Variants in CDC14A observed in about 807,000 individuals in gnomAD.
CDC14A encodes the protein cell division cycle 14A, also known as dual specificity protein phosphatase CDC14A.
In CDC14A, 53 loss-of-function variants were observed where a neutral mutation model predicts 74.4. The ratio of observed to expected loss-of-function variants is 0.71; its 90% CI spans 0.57 to 0.89. The LOEUF is 0.89. Ranked by LOEUF, CDC14A falls within the 40% of genes least tolerant of loss-of-function variation. The pLI, the probability that CDC14A is intolerant of heterozygous loss-of-function variation, is 0.00. For missense variants in CDC14A, 646 were observed against 713.7 expected (o/e 0.91, Z 1.08); for synonymous variants, 247 against 258.4 (o/e 0.96, Z 0.43).
intron 15 of CDC14A, 86 bp from the exon 16 acceptor site, chr1:100,518,165 T>C (rs1316670828): frequency 2.0e-6 from 2 of 982,192 alleles, no homozygotes; most frequent in Non-Finnish European, 3.2e-6. Context: ...CTAAGCTGTC[T>C]TGTGTGGAAG....
chr1:100,484,182 T>C, intron 10 of CDC14A, 110 bp from the exon 11 acceptor site: 1 of 565,530 alleles, frequency 1.8e-6, no homozygotes, highest in Non-Finnish European at 2.9e-6. Context: ...TTGTAAATGC[T>C]TATTTGCTAA....
intron 3 of CDC14A, among the ~76,000 whole-genome samples, chr1:100,378,619 A>T (rs17122344): frequency 0.015 from 2,318 of 152,304 alleles, 62 homozygotes; most frequent in African/African-American, 0.053. Context: ...AATTTTTGCC[A>T]TTGATTTCAA....
intron 5 of CDC14A, among the ~76,000 whole-genome samples, chr1:100,425,224 T>C (rs559815880): frequency 9.8e-5 from 15 of 152,296 alleles, no homozygotes; most frequent in Admixed American, 6.5e-4. Context: ...AAAACTCCCA[T>C]AACACTTACC....
intron 15 of CDC14A, among the ~76,000 whole-genome samples, chr1:100,500,811 AGT>A (rs58424420): frequency 0.2 from 26,433 of 131,024 alleles, 2,871 homozygotes; most frequent in Non-Finnish European, 0.24. Context: ...ATGAGAATGC[AGT>A]GTGTGTGTGT....
intron 2 of CDC14A, among the ~76,000 whole-genome samples, chr1:100,367,146 A>G (rs2100914553): frequency 6.6e-6 from 1 of 152,300 alleles, no homozygotes; most frequent in East Asian, 1.9e-4. Context: ...ATTTCTGAAT[A>G]GTCTCTGAAG....
chr1:100,498,358 C>G, intron 14 of CDC14A, 151 bp downstream of exon 14: 1 of 868,334 alleles, frequency 1.2e-6, no homozygotes, highest in Non-Finnish European at 1.8e-6. Flanking sequence ...GGCTTCCGTT[C>G]CTGTCTTGGG....
At chr1:100,407,921 A>G (rs948666127) in intron 4 of CDC14A, among the ~76,000 whole-genome samples, 3 of 152,112 alleles carry the variant, frequency 2.0e-5, no homozygotes, top group Non-Finnish European at 4.4e-5. Flanking sequence ...ATTTAAAAAA[A>G]TCTTTTATTT....
rs763921580 is a variant in CDC14A at position 100,412,767 on chromosome 1, AT to A, written c.310-11453del. Among the ~76,000 whole-genome samples, 7 of 88,406 alleles carry A rather than the reference AT, an allele frequency of 7.9e-5. No homozygotes were observed. In the East Asian group the frequency reaches 1.9e-3, roughly 24 times the overall value. 58.0% of individuals were successfully genotyped at this position (88,406 alleles called of 152,430 possible). A position where few individuals can be genotyped will look rare whatever the true frequency, so the allele number is the denominator to read the frequency against. ...ATATATATATATTTTATATATATAT[AT>A]TATATATATATATATAGTATGTATG... On this transcript the variant is annotated intron_variant, in intron 4 of 15. Coordinates refer to ENST00000336454, the MANE Select transcript of CDC14A (RefSeq NM_003672.4).
At chr1:100,365,880 T>C (rs185198569) in intron 2 of CDC14A, among the ~76,000 whole-genome samples, 41 of 151,358 alleles carry the variant, frequency 2.7e-4, no homozygotes, top group Non-Finnish European at 5.4e-4. Context: ...ATTCTAGTGA[T>C]AGGGAAACTG....
At chr1:100,474,070 C>T (rs1668655262) in intron 10 of CDC14A, among the ~76,000 whole-genome samples, 1 of 152,100 alleles carries the variant, frequency 6.6e-6, no homozygotes, top group Non-Finnish European at 1.5e-5. Context: ...AGTGTTGAAT[C>T]TTGTCAAATA....
intron 8 of CDC14A, among the ~76,000 whole-genome samples, chr1:100,460,360 G>A (rs931673204): frequency 3.9e-5 from 6 of 152,170 alleles, no homozygotes; most frequent in Non-Finnish European, 5.9e-5. Context: ...TATGAAAAGA[G>A]AGATTCTTGC....
intron 4 of CDC14A, among the ~76,000 whole-genome samples, chr1:100,413,667 C>T (rs1661163429): frequency 6.6e-6 from 1 of 152,200 alleles, no homozygotes; most frequent in Non-Finnish European, 1.5e-5. Flanking sequence ...AGGCTTCCTC[C>T]TGTTATTCCC....
chr1:100,482,830 A>G (rs571029911), intron 10 of CDC14A, among the ~76,000 whole-genome samples: 13 of 152,008 alleles, frequency 8.6e-5, no homozygotes, highest in Middle Eastern at 3.4e-3. Flanking sequence ...AGATATCTAT[A>G]TATATATTTT....
chr1:100,374,132 A>T (rs1654890652), intron 2 of CDC14A, among the ~76,000 whole-genome samples: 1 of 152,104 alleles, frequency 6.6e-6, no homozygotes. Flanking sequence ...AAGGACATGA[A>T]CTCATCATTT....
intron 12 of CDC14A, 87 bp downstream of exon 12, chr1:100,495,017 GT>G: frequency 1.4e-6 from 1 of 699,634 alleles, no homozygotes; most frequent in Non-Finnish European, 2.4e-6. Context: ...GTAATCTTCT[GT>G]TTTGAATTTT....
Position 100,484,408 on chromosome 1 carries a change from G to A in CDC14A, c.1094G>A (p.Gly365Asp). Residue 365 changes from glycine to aspartate, a missense_variant, in exon 11 of 16, where the codon GGT becomes GAT. Physicochemically the swap from Gly to Asp is moderately conservative, Grantham distance 94. Coordinates refer to ENST00000336454, the MANE Select transcript of CDC14A (RefSeq NM_003672.4). ...ILSGLDDMSI[G>D]GNLSKTQNME... is the part of the protein sequence containing the mutation. ...TCTGGCCTAGATGATATGTCTATTG[G>A]TGGAAATCTTTCAAAAACACAAAAC... 6.2e-7 allele frequency: 1 copy of A among 1,606,798 alleles called. No individual in the cohort carries two copies. The highest frequency in any genetic ancestry group is 8.5e-7 in the Non-Finnish European group (1 of 1,176,922).
intron 15 of CDC14A, 76 bp from the exon 16 acceptor site, chr1:100,518,175 G>T: frequency 9.2e-7 from 1 of 1,089,890 alleles, no homozygotes; most frequent in East Asian, 2.4e-5. Context: ...TTGTGTGGAA[G>T]GGAGAAGCTG....
intron 15 of CDC14A, among the ~76,000 whole-genome samples, chr1:100,507,453 C>T (rs1397680024): frequency 6.6e-6 from 1 of 151,834 alleles, no homozygotes; most frequent in Non-Finnish European, 1.5e-5. Flanking sequence ...ATGGAAAATT[C>T]TCAGCCATCA....
chr1:100,451,030 T>G (rs575516679), intron 7 of CDC14A, among the ~76,000 whole-genome samples: 1 of 152,360 alleles, frequency 6.6e-6, no homozygotes, highest in East Asian at 1.9e-4. Flanking sequence ...GCTAGCCATC[T>G]TTCTCAGCCT....
Sources: gnomAD v4.1 joint callset for allele counts (sites outside exome capture counted in the v4.1 genomes callset) on GRCh38, gnomAD v4.1.1 for gene constraint, MANE v1.5 for transcripts, NCBI Gene and HGNC (gene_info 2026-07-23, HGNC 2026-07-21) for gene names.